The following NKAIN2 variants were observed in gnomAD, a reference collection of about 807,000 sequenced individuals.
NKAIN2 encodes the protein sodium/potassium-transporting ATPase subunit beta-1-interacting protein 2.
In NKAIN2, 14 loss-of-function variants were observed where a neutral mutation model predicts 32.6. The observed-to-expected ratio is 0.43, with a 90% CI of 0.28 to 0.67. The LOEUF is 0.67. Among genes scored for constraint, NKAIN2 ranks in the 30% least tolerant of loss-of-function variants. The pLI, the probability that NKAIN2 is intolerant of heterozygous loss-of-function variation, is 0.17. For synonymous variants in NKAIN2, 80 were observed against 87.2 expected, an observed-to-expected ratio of 0.92 and a Z score of 0.46; for missense variants, 198 against 258.3, an observed-to-expected ratio of 0.77 and a Z score of 1.60.
intron 1 of NKAIN2, among the ~76,000 whole-genome samples, chr6:123,900,532 GTTTTTTTTTT>G (rs34370743): frequency 3.3e-3 from 107 of 32,760 alleles, no homozygotes; most frequent in Non-Finnish European, 9.4e-3. Flanking sequence ...CTCCAGATTA[GTTTTTTTTTT>G]TTTTTTTTTT....
chr6:124,064,683 A>G (rs1033761201), intron 1 of NKAIN2, among the ~76,000 whole-genome samples: 3 of 152,184 alleles, frequency 2.0e-5, no homozygotes, highest in Non-Finnish European at 4.4e-5. Context: ...GAACAATGCC[A>G]ATTTAGATAT....
chr6:124,047,341 G>A (rs1380372402), intron 1 of NKAIN2, among the ~76,000 whole-genome samples: 1 of 151,872 alleles, frequency 6.6e-6, no homozygotes, highest in Non-Finnish European at 1.5e-5. Flanking sequence ...TTAGTCTTTT[G>A]TTGAAAGTCA....
At chr6:124,669,563 G>C (rs1378169928) in intron 4 of NKAIN2, among the ~76,000 whole-genome samples, 1 of 152,034 alleles carries the variant, frequency 6.6e-6, no homozygotes, top group East Asian at 1.9e-4. Context: ...GAGTATTATA[G>C]GTAGGAGAAC....
chr6:123,821,836 C>G (rs1477805029), intron 1 of NKAIN2, among the ~76,000 whole-genome samples: 1 of 152,098 alleles, frequency 6.6e-6, no homozygotes, highest in Non-Finnish European at 1.5e-5. Flanking sequence ...AAGAAGATGT[C>G]AAATATTTTT....
chr6:124,319,143 G>A (rs1160184243), intron 2 of NKAIN2, among the ~76,000 whole-genome samples: 1 of 151,984 alleles, frequency 6.6e-6, no homozygotes, highest in Non-Finnish European at 1.5e-5. Flanking sequence ...ATAAGCCTCA[G>A]TAAACCCATT....
At chr6:124,096,499 T>C (rs1035071681) in intron 1 of NKAIN2, among the ~76,000 whole-genome samples, 2 of 152,224 alleles carry the variant, frequency 1.3e-5, no homozygotes, top group Non-Finnish European at 2.9e-5. Flanking sequence ...ATGTTATTTC[T>C]GAAAATCCTT....
At chr6:124,804,710 G>C (rs182875740) in intron 5 of NKAIN2, among the ~76,000 whole-genome samples, 1 of 152,206 alleles carries the variant, frequency 6.6e-6, no homozygotes, top group Non-Finnish European at 1.5e-5. Context: ...CTCGGGAAGC[G>C]CAAGGGATCA....
intron 1 of NKAIN2, among the ~76,000 whole-genome samples, chr6:124,070,987 G>C (rs1181151703): frequency 2.6e-5 from 4 of 152,182 alleles, no homozygotes; most frequent in Non-Finnish European, 5.9e-5. Flanking sequence ...CTCATGGTTA[G>C]GGGCTGAGCA....
Position 124,155,620 on chromosome 6 carries a change from G to A in NKAIN2, c.55-127385G>A, listed in dbSNP as rs1363577737. On this transcript the variant is annotated intron_variant, in intron 1 of 6. Transcript: ENST00000368417. ...TATCTTTTTTTTTTTTTGCTATTCT[G>A]TGTGTTCCAGAGAGGCAATTTTGAT... 2.0e-5 allele frequency among the ~76,000 whole-genome samples: 3 copies of A among 148,920 alleles called. No individual in the cohort carries two copies. In the South Asian group the frequency reaches 6.3e-4, roughly 31 times the overall value.
intron 4 of NKAIN2, among the ~76,000 whole-genome samples, chr6:124,725,819 C>A (rs1776261393): frequency 6.6e-6 from 1 of 152,166 alleles, no homozygotes; most frequent in African/African-American, 2.4e-5. Flanking sequence ...CTAGGGAATG[C>A]CAGACAGTGG....
At chr6:124,230,746 A>G (rs1303889369) in intron 1 of NKAIN2, among the ~76,000 whole-genome samples, 11 of 152,208 alleles carry the variant, frequency 7.2e-5, no homozygotes, top group Admixed American at 6.5e-4. Context: ...GAGTTTGGGA[A>G]TCTCTGCCTA....
chr6:124,457,579 G>A lies in NKAIN2; in HGVS notation c.273+102232G>A, dbSNP rs57585488. Among the ~76,000 whole-genome samples the A allele has an allele frequency of 9.9e-3, 1,511 of 152,014 alleles. 22 individuals are homozygous for A. Among genetic ancestry groups the A allele is most frequent in the African/African-American group, 0.035 (1,440 of 41,516 alleles). On this transcript the variant is annotated intron_variant, in intron 3 of 6. Transcript: ENST00000368417. ...AACAGCAGAGTTAGATCATCTCTAA[G>A]TCCCTTTTCTTCTCTAATGTTCTGG...
At chr6:124,555,860 A>G (rs1356022725) in intron 3 of NKAIN2, among the ~76,000 whole-genome samples, 1 of 152,244 alleles carries the variant, frequency 6.6e-6, no homozygotes, top group African/African-American at 2.4e-5. Flanking sequence ...TGTCAAAAGC[A>G]GACTGAGAAG....
At chr6:124,792,103 G>T (rs1779772244) in intron 5 of NKAIN2, among the ~76,000 whole-genome samples, 1 of 152,080 alleles carries the variant, frequency 6.6e-6, no homozygotes, top group African/African-American at 2.4e-5. Flanking sequence ...GAGAACTGGG[G>T]AAAGTACTTC....
At chr6:124,485,678 C>T (rs2114710853) in intron 3 of NKAIN2, among the ~76,000 whole-genome samples, 1 of 152,166 alleles carries the variant, frequency 6.6e-6, no homozygotes, top group South Asian at 2.1e-4. Flanking sequence ...GACCTTCTGA[C>T]CCTATGATTT....
At chr6:123,973,300 A>C (rs74547182) in intron 1 of NKAIN2, among the ~76,000 whole-genome samples, 2,219 of 152,286 alleles carry the variant, frequency 0.015, 55 homozygotes, top group African/African-American at 0.051. Context: ...GCAGAGGTTA[A>C]AGAAAACATT....
At chr6:124,533,836 T>C (rs1583401161) in intron 3 of NKAIN2, among the ~76,000 whole-genome samples, 2 of 152,062 alleles carry the variant, frequency 1.3e-5, no homozygotes, top group Admixed American at 1.3e-4. Flanking sequence ...GCAGATCTGG[T>C]CTAGTGAAGG....
chr6:124,049,731 T>C (rs1782318595), intron 1 of NKAIN2, among the ~76,000 whole-genome samples: 1 of 152,022 alleles, frequency 6.6e-6, no homozygotes, highest in Non-Finnish European at 1.5e-5. Flanking sequence ...CCAGCATGTC[T>C]ACACTGAAGA....
At chr6:124,436,567 C>G (rs545867610) in intron 3 of NKAIN2, among the ~76,000 whole-genome samples, 2 of 152,230 alleles carry the variant, frequency 1.3e-5, no homozygotes, top group South Asian at 4.2e-4. Flanking sequence ...AATCCCAGAA[C>G]TGGAATTTAG....
Sources: gnomAD v4.1 joint callset for allele counts (sites outside exome capture counted in the v4.1 genomes callset) on GRCh38, gnomAD v4.1.1 for gene constraint, MANE v1.5 for transcripts, NCBI Gene and HGNC (gene_info 2026-07-23, HGNC 2026-07-21) for gene names.